The following SLC4A4 variants were observed in gnomAD, a reference collection of about 807,000 sequenced individuals.
SLC4A4 encodes the protein electrogenic sodium bicarbonate cotransporter 1.
A neutral mutation model predicts 111.5 loss-of-function variants in SLC4A4; 27 were observed. The observed-to-expected ratio is 0.24, with a 90% confidence interval of 0.18 to 0.33. SLC4A4 has a LOEUF of 0.33. Among genes scored for constraint, SLC4A4 ranks in the 10% least tolerant of loss-of-function variants. SLC4A4 has a pLI of 1.00. For synonymous variants in SLC4A4, 443 were observed against 463.4 expected (o/e 0.96, Z 0.57); for missense variants, 909 against 1,315.5 (o/e 0.69, Z 4.78).
intron 6 of SLC4A4, among the ~76,000 whole-genome samples, chr4:71,382,610 T>C (rs1718262196): frequency 6.6e-6 from 1 of 152,200 alleles, no homozygotes; most frequent in African/African-American, 2.4e-5. Flanking sequence ...GATCACTTCA[T>C]TAAGTGGCAG....
intron 4 of SLC4A4, among the ~76,000 whole-genome samples, chr4:71,345,193 C>T (rs968288345): frequency 6.6e-6 from 1 of 152,110 alleles, no homozygotes; most frequent in Admixed American, 6.6e-5. Flanking sequence ...GCCTGTGCTT[C>T]CATTAAGAAT....
At chr4:71,419,369 C>T (rs1722144962) in intron 7 of SLC4A4, among the ~76,000 whole-genome samples, 1 of 152,240 alleles carries the variant, frequency 6.6e-6, no homozygotes, top group Admixed American at 6.5e-5. Flanking sequence ...TTCCCTGCTG[C>T]TTTGTTTACC....
chr4:71,214,650 A>G (rs1327204153), intron 1 of SLC4A4, among the ~76,000 whole-genome samples: 1 of 152,230 alleles, frequency 6.6e-6, no homozygotes, highest in East Asian at 1.9e-4. Context: ...ATCTGAGCAA[A>G]AAAAGAAAGT....
intron 18 of SLC4A4, among the ~76,000 whole-genome samples, chr4:71,544,807 A>G (rs995046829): frequency 2.0e-5 from 3 of 151,948 alleles, no homozygotes; most frequent in Admixed American, 6.6e-5. Flanking sequence ...GAAGCTGCAT[A>G]TTTTATTTAT....
intron 1 of SLC4A4, among the ~76,000 whole-genome samples, chr4:71,080,735 C>G (rs1741972364): frequency 6.6e-6 from 1 of 151,970 alleles, no homozygotes; most frequent in Non-Finnish European, 1.5e-5. Flanking sequence ...TGTTACTGCC[C>G]AGCTCCTCCT....
At chr4:71,297,548 ACACT>A (rs1724901227) in intron 3 of SLC4A4, among the ~76,000 whole-genome samples, 1 of 142,204 alleles carries the variant, frequency 7.0e-6, no homozygotes, top group African/African-American at 2.8e-5. Context: ...ACACACACAC[ACACT>A]CTTTGGCAAA....
chr4:71,264,728 G>A (rs1040316240), intron 3 of SLC4A4, among the ~76,000 whole-genome samples: 6 of 152,012 alleles, frequency 3.9e-5, no homozygotes, highest in African/African-American at 7.2e-5. Flanking sequence ...ACTGCTGAAT[G>A]CCACAAACAA....
intron 3 of SLC4A4, among the ~76,000 whole-genome samples, chr4:71,314,980 A>G (rs1578818268): frequency 6.6e-6 from 1 of 152,324 alleles, no homozygotes; most frequent in East Asian, 1.9e-4. Context: ...TGATAGAATT[A>G]CAGACTGCAG....
intron 15 of SLC4A4, among the ~76,000 whole-genome samples, chr4:71,488,904 G>T (rs892365423): frequency 2.0e-5 from 3 of 150,934 alleles, no homozygotes; most frequent in African/African-American, 7.3e-5. Flanking sequence ...GTGTGTGTGT[G>T]TGTGTGTGTG....
chr4:71,356,983 T>C, intron 5 of SLC4A4, 25 bp from the exon 6 acceptor site: 2 of 1,612,936 alleles, frequency 1.2e-6, no homozygotes, highest in African/African-American at 2.7e-5. Flanking sequence ...CTGAGTTTTG[T>C]TTTTTGCTTT....
intron 2 of SLC4A4, among the ~76,000 whole-genome samples, chr4:71,180,176 C>G (rs1448131263): frequency 2.6e-5 from 4 of 152,154 alleles, no homozygotes; most frequent in Non-Finnish European, 5.9e-5. Flanking sequence ...GGATCCCTTC[C>G]TTACACCTTA....
intron 2 of SLC4A4, among the ~76,000 whole-genome samples, chr4:71,095,510 ATCT>A (rs1274801660): frequency 1.3e-5 from 2 of 152,220 alleles, no homozygotes; most frequent in Non-Finnish European, 2.9e-5. Context: ...GGGCTTTGTG[ATCT>A]TTGCATCTGC....
chr4:71,232,695 G>C (rs973816320), intron 1 of SLC4A4, among the ~76,000 whole-genome samples: 1 of 152,214 alleles, frequency 6.6e-6, no homozygotes, highest in African/African-American at 2.4e-5. Context: ...TACAGGCTGA[G>C]CCACTGTGTC....
chr4:71,366,880 A>G (rs1411830433), intron 6 of SLC4A4, among the ~76,000 whole-genome samples: 1 of 152,228 alleles, frequency 6.6e-6, no homozygotes, highest in Non-Finnish European at 1.5e-5. Flanking sequence ...ACAAATCAAA[A>G]TGTAGACATT....
At chr4:71,565,274 G>A (rs563134784) in intron 24 of SLC4A4, among the ~76,000 whole-genome samples, 9 of 151,972 alleles carry the variant, frequency 5.9e-5, no homozygotes, top group African/African-American at 2.2e-4. Context: ...CCTGCCTCCA[G>A]ACACTGTTTT....
intron 1 of SLC4A4, among the ~76,000 whole-genome samples, chr4:71,074,882 A>T (rs542508401): frequency 1.3e-5 from 2 of 152,200 alleles, no homozygotes; most frequent in African/African-American, 2.4e-5. Context: ...ACGCTGGCAC[A>T]TTTGCCTGGC....
chr4:71,273,519 A>G (rs1449533281), intron 3 of SLC4A4, among the ~76,000 whole-genome samples: 2 of 152,114 alleles, frequency 1.3e-5, no homozygotes, highest in Admixed American at 1.3e-4. Flanking sequence ...CCAGGGCCAA[A>G]AGCTAGTTAA....
chr4:71,227,818 G>A (rs1719149909), intron 1 of SLC4A4, among the ~76,000 whole-genome samples: 1 of 152,146 alleles, frequency 6.6e-6, no homozygotes, highest in African/African-American at 2.4e-5. Context: ...CTTGAAGAAG[G>A]GTGATTGAAA....
intron 7 of SLC4A4, among the ~76,000 whole-genome samples, chr4:71,398,815 A>G (rs1485603681): frequency 2.0e-5 from 3 of 152,298 alleles, no homozygotes; most frequent in Non-Finnish European, 1.5e-5. Context: ...AAAATCAAAT[A>G]TCTGATCCTT....
Sources: gnomAD v4.1 joint callset for allele counts (sites outside exome capture counted in the v4.1 genomes callset) on GRCh38, gnomAD v4.1.1 for gene constraint, MANE v1.5 for transcripts, NCBI Gene and HGNC (gene_info 2026-07-23, HGNC 2026-07-21) for gene names.